Variants in PRP4K observed in about 807,000 individuals in gnomAD.
PRP4K encodes pre-mRNA processing factor kinase PRP4K.
At chr6:4,021,443 C>T in the PRP4K span, 28 of 1,585,338 alleles carry the variant, frequency 1.8e-5, no homozygotes, top group Non-Finnish European at 2.4e-5. Context: ...CCGCGGAGAC[C>T]CAGTCGCTAC....
At chr6:4,052,035 G>C in the PRP4K span, 1 of 1,606,876 alleles carries the variant, frequency 6.2e-7, no homozygotes, top group Non-Finnish European at 8.5e-7. Context: ...TTCATTGTCT[G>C]AGACTCTTCA....
chr6:4,051,225 A>G, the PRP4K span, among the ~76,000 whole-genome samples: 1 of 152,088 alleles, frequency 6.6e-6, no homozygotes, highest in Non-Finnish European at 1.5e-5. Context: ...CTGCATTCTT[A>G]AAGGAACCAA....
At chr6:4,043,302 G>C in the PRP4K span, among the ~76,000 whole-genome samples, 3 of 152,188 alleles carry the variant, frequency 2.0e-5, no homozygotes, top group Admixed American at 6.5e-5. Flanking sequence ...TAAAATTGTA[G>C]TTAATAAACT....
chr6:4,062,020 ATTAG>A, the PRP4K span: 2 of 152,788 alleles, frequency 1.3e-5, no homozygotes, highest in Admixed American at 6.5e-5. The surrounding 1 kb of genome is among the most constrained non-coding windows in gnomAD (Gnocchi z 4.2). Context: ...TGAAAGTATT[ATTAG>A]TTAAAGATGT....
chr6:4,037,650 T>C, the PRP4K span: 1 of 1,337,708 alleles, frequency 7.5e-7, no homozygotes, highest in Non-Finnish European at 1.0e-6. Flanking sequence ...TAGGTTTTCT[T>C]TTAGACCAGT....
At chr6:4,035,575 A>G in the PRP4K span, among the ~76,000 whole-genome samples, 1 of 152,182 alleles carries the variant, frequency 6.6e-6, no homozygotes, top group African/African-American at 2.4e-5. Flanking sequence ...GATCTGAATC[A>G]AAGTCTACCT....
chr6:4,038,323 A>G, the PRP4K span, among the ~76,000 whole-genome samples: 1 of 151,470 alleles, frequency 6.6e-6, no homozygotes, highest in South Asian at 2.1e-4. Flanking sequence ...TGACAGTCTC[A>G]CTCTGTTGCC....
At chr6:4,038,586 C>G in the PRP4K span, among the ~76,000 whole-genome samples, 8 of 152,002 alleles carry the variant, frequency 5.3e-5, no homozygotes, top group Non-Finnish European at 1.2e-4. Flanking sequence ...TTAATACTAC[C>G]GCTTACTCAT....
the PRP4K span, among the ~76,000 whole-genome samples, chr6:4,022,324 T>C: frequency 2.7e-5 from 4 of 146,946 alleles, no homozygotes; most frequent in African/African-American, 1.0e-4. Flanking sequence ...AAAATACGAG[T>C]GTATGCTGCA....
chr6:4,052,647 T>G, the PRP4K span: 1 of 1,242,650 alleles, frequency 8.0e-7, no homozygotes, highest in East Asian at 2.4e-5. Flanking sequence ...TTGCAAATGT[T>G]TTTGCCTTTT....
chr6:4,051,936 C>A, the PRP4K span: 2 of 1,426,402 alleles, frequency 1.4e-6, no homozygotes, highest in Non-Finnish European at 9.5e-7. Context: ...AATTTTACCC[C>A]AATTTTTTTT....
the PRP4K span, among the ~76,000 whole-genome samples, chr6:4,053,555 G>T: frequency 1.8e-4 from 13 of 74,282 alleles, no homozygotes; most frequent in Non-Finnish European, 3.3e-4. Context: ...ACTTCTGGTG[G>T]TAACAGCAGA....
chr6:4,024,422 C>T, the PRP4K span, among the ~76,000 whole-genome samples: 1 of 151,928 alleles, frequency 6.6e-6, no homozygotes, highest in Admixed American at 6.6e-5. Flanking sequence ...ACTTTGCTCG[C>T]CACTAAAAAA....
At chr6:4,027,613 T>TGGGGGGGGGGGGGGGGGGGGGGG in the PRP4K span, among the ~76,000 whole-genome samples, 1 of 38,554 alleles carries the variant, frequency 2.6e-5, no homozygotes, top group African/African-American at 1.0e-4. Context: ...GGGGGTGGGG[T>TGGGGGGGGGGGGGGGGGGGGGGG]GGGGGTTGGT....
the PRP4K span, among the ~76,000 whole-genome samples, chr6:4,026,830 G>T: frequency 4.6e-5 from 7 of 152,134 alleles, no homozygotes; most frequent in Non-Finnish European, 1.0e-4. Context: ...CAGTGGAGTG[G>T]TTTTGCATTT....
At chr6:4,028,895 G>A in the PRP4K span, among the ~76,000 whole-genome samples, 2 of 151,842 alleles carry the variant, frequency 1.3e-5, no homozygotes, top group Non-Finnish European at 2.9e-5. Flanking sequence ...GCTAGACAAC[G>A]TACTTTTGCA....
At chr6:4,051,151 C>G in the PRP4K span, among the ~76,000 whole-genome samples, 12,662 of 151,998 alleles carry the variant, frequency 0.083, 589 homozygotes, top group Middle Eastern at 0.23. Context: ...CTCAAGTGAT[C>G]CACCTGCCTC....
At chr6:4,022,629 A>G in the PRP4K span, among the ~76,000 whole-genome samples, 2 of 152,206 alleles carry the variant, frequency 1.3e-5, no homozygotes, top group Non-Finnish European at 2.9e-5. Context: ...TGGGCTCCTC[A>G]ATCATCTGCA....
At chr6:4,059,397 A>G in the PRP4K span, among the ~76,000 whole-genome samples, 1 of 152,182 alleles carries the variant, frequency 6.6e-6, no homozygotes, top group Non-Finnish European at 1.5e-5. Flanking sequence ...ATCATCTTCA[A>G]GCCTCAGCTG....
Sources: gnomAD v4.1 joint callset for allele counts (sites outside exome capture counted in the v4.1 genomes callset) on GRCh38, gnomAD v4.1.1 for gene constraint, Gnocchi (gnomAD v3.1) non-coding constraint, MANE v1.5 for transcripts, NCBI Gene and HGNC (gene_info 2026-07-23, HGNC 2026-07-21) for gene names.